Variants in EPHA5 observed in about 807,000 individuals in gnomAD.
EPHA5 encodes the protein ephrin type-A receptor 5.
A neutral mutation model predicts 105.0 loss-of-function variants in EPHA5; 60 were observed. The ratio of observed to expected loss-of-function variants is 0.57; its 90% confidence interval spans 0.46 to 0.71. The LOEUF (loss-of-function observed/expected upper bound fraction) is 0.71, where lower values mean the gene tolerates loss of function less well. Ranked by LOEUF, EPHA5 falls within the 30% of genes least tolerant of loss-of-function variation. The pLI, the probability that EPHA5 is intolerant of heterozygous loss-of-function variation, is 0.00. For missense variants in EPHA5, 1,218 were observed against 1,274.7 expected, an observed-to-expected ratio of 0.96 and a Z score of 0.68; for synonymous variants, 513 against 449.1, an observed-to-expected ratio of 1.14 and a Z score of -1.80.
chr4:65,484,161 A>G (rs1023760797), intron 5 of EPHA5, among the ~76,000 whole-genome samples: 5 of 152,172 alleles, frequency 3.3e-5, no homozygotes, highest in Non-Finnish European at 7.3e-5. Flanking sequence ...AGAAGTTCAC[A>G]TCTCAGTAAA....
chr4:65,379,024 G>C, intron 8 of EPHA5, among the ~76,000 whole-genome samples: 1 of 151,758 alleles, frequency 6.6e-6, no homozygotes, highest in East Asian at 1.9e-4. Flanking sequence ...AGGAAAAAAA[G>C]ATGTCATTTC....
intron 8 of EPHA5, among the ~76,000 whole-genome samples, chr4:65,379,893 A>G (rs1341813721): frequency 6.6e-6 from 1 of 151,810 alleles, no homozygotes; most frequent in African/African-American, 2.4e-5. Flanking sequence ...AAGAAAACTA[A>G]GACAAGTTAC....
At chr4:65,519,633 G>A (rs1202170296) in intron 3 of EPHA5, among the ~76,000 whole-genome samples, 7 of 152,062 alleles carry the variant, frequency 4.6e-5, no homozygotes, top group Admixed American at 6.6e-5. Context: ...AAACCCCATC[G>A]TCTCAGCCCA....
chr4:65,415,200 C>T lies in EPHA5; in HGVS notation c.1528-757G>A, dbSNP rs181847915. 2.9e-3 allele frequency among the ~76,000 whole-genome samples: 436 copies of T among 152,140 alleles called. 2 individuals carry two copies. The highest frequency in any genetic ancestry group is 3.3e-3 in the Non-Finnish European group (227 of 67,970). ...TATTATCTCTGTGAAGTTACCACAC[C>T]AACTTTACCATGGATACAGAAATCA... On this transcript the variant is annotated intron_variant, in intron 6 of 16. Coordinates refer to ENST00000613740, the MANE Select transcript of EPHA5 (RefSeq NM_001281766.3).
chr4:65,482,547 A>G (rs1022033500), intron 5 of EPHA5, among the ~76,000 whole-genome samples: 1 of 152,174 alleles, frequency 6.6e-6, no homozygotes, highest in African/African-American at 2.4e-5. Context: ...CATAATAGGT[A>G]GCAGGATATG....
Position 65,322,204 on chromosome 4 carries a change from T to C in EPHA5, c.*1910A>G. Reference sequence around the variant, plus strand: ...AACTGAATGTATTATTTGAAAACTGTTTAGATTTTTGTTGTGGTTATTTTG... The same window carrying C: ...AACTGAATGTATTATTTGAAAACTGCTTAGATTTTTGTTGTGGTTATTTTG... On this transcript the variant is annotated 3_prime_UTR_variant, in exon 17 of 17. Transcript: ENST00000613740. The C allele has an allele frequency of 4.5e-6, 1 of 224,066 alleles. No individual in the cohort carries two copies. Among genetic ancestry groups the C allele is most frequent in the Non-Finnish European group, 8.9e-6 (1 of 112,204 alleles). 13.9% of individuals were successfully genotyped at this position (224,066 alleles called of 1,614,324 possible).
chr4:65,342,100 T>C (rs190281083), intron 14 of EPHA5, among the ~76,000 whole-genome samples: 49 of 152,262 alleles, frequency 3.2e-4, no homozygotes, highest in African/African-American at 1.1e-3. Flanking sequence ...CCCTTTATAA[T>C]CATTGAAACT....
At chr4:65,325,463 C>A (rs1719985940) in intron 16 of EPHA5, among the ~76,000 whole-genome samples, 1 of 98,940 alleles carries the variant, frequency 1.0e-5, no homozygotes, top group Non-Finnish European at 2.4e-5. Context: ...CAAGCAGCTA[C>A]CCCCCCAAAA....
chr4:65,507,663 C>T (rs937548850), intron 3 of EPHA5, among the ~76,000 whole-genome samples: 1 of 152,038 alleles, frequency 6.6e-6, no homozygotes, highest in East Asian at 1.9e-4. Flanking sequence ...ATTTTCCTCC[C>T]TATTTGTCTG....
rs528959091 is a variant in EPHA5 at position 65,508,857 on chromosome 4, C to T, written c.911-13314G>A. ...CTATCCCTGATTGTGAGAAAGTCTT[C>T]TTGGAGTAGCATATCTGTATCTATG... On this transcript the variant is annotated intron_variant, in intron 3 of 16. Coordinates refer to ENST00000613740, the MANE Select transcript of EPHA5 (RefSeq NM_001281766.3). Among the ~76,000 whole-genome samples, 4 of 152,058 alleles carry T rather than the reference C, an allele frequency of 2.6e-5. No individual in the cohort carries two copies. In the East Asian group the frequency reaches 7.7e-4, roughly 29 times the overall value.
intron 2 of EPHA5, among the ~76,000 whole-genome samples, chr4:65,635,381 A>C (rs1747025902): frequency 6.6e-6 from 1 of 152,164 alleles, no homozygotes; most frequent in South Asian, 2.1e-4. Context: ...GCATTAGAAA[A>C]AAATTTAAAA....
At chr4:65,514,913 C>T (rs1004042015) in intron 3 of EPHA5, among the ~76,000 whole-genome samples, 1 of 152,066 alleles carries the variant, frequency 6.6e-6, no homozygotes, top group African/African-American at 2.4e-5. Context: ...TCATCCTATC[C>T]CTTTCCTACC....
intron 3 of EPHA5, among the ~76,000 whole-genome samples, chr4:65,568,322 A>G (rs1472815945): frequency 6.6e-6 from 1 of 151,494 alleles, no homozygotes. Flanking sequence ...TTGACACCTA[A>G]CACAATTCTA....
intron 5 of EPHA5, among the ~76,000 whole-genome samples, chr4:65,444,220 C>T (rs1026661670): frequency 3.9e-5 from 6 of 152,136 alleles, no homozygotes; most frequent in Non-Finnish European, 7.4e-5. Flanking sequence ...GGGAAAATCA[C>T]TTACCCGTGC....
At chr4:65,463,978 G>A (rs933112898) in intron 5 of EPHA5, among the ~76,000 whole-genome samples, 1 of 151,596 alleles carries the variant, frequency 6.6e-6, no homozygotes, top group Non-Finnish European at 1.5e-5. Flanking sequence ...TTAAGACTAA[G>A]CATTTCTTCT....
intron 3 of EPHA5, among the ~76,000 whole-genome samples, chr4:65,498,385 T>C (rs924291303): frequency 6.6e-6 from 1 of 151,928 alleles, no homozygotes; most frequent in Admixed American, 6.6e-5. Context: ...TTGTATATTT[T>C]CACAGTAACT....
intron 13 of EPHA5, 31 bp from the exon 14 acceptor site, chr4:65,348,234 T>C (rs1411356044): frequency 2.5e-6 from 4 of 1,594,138 alleles, no homozygotes; most frequent in South Asian, 2.3e-5. Flanking sequence ...AAAAACTTCC[T>C]ACATACTTCA....
At chr4:65,449,737 T>C (rs1245303799) in intron 5 of EPHA5, among the ~76,000 whole-genome samples, 1 of 152,164 alleles carries the variant, frequency 6.6e-6, no homozygotes, top group Non-Finnish European at 1.5e-5. Flanking sequence ...AGCCCTACTC[T>C]GATATGACTG....
At chr4:65,665,902 A>T (rs193086829) in intron 1 of EPHA5, among the ~76,000 whole-genome samples, 36 of 152,258 alleles carry the variant, frequency 2.4e-4, no homozygotes, top group Non-Finnish European at 4.9e-4. Context: ...TTTCTTGTTC[A>T]GTAATGTCCT....
Sources: gnomAD v4.1 joint callset for allele counts (sites outside exome capture counted in the v4.1 genomes callset) on GRCh38, gnomAD v4.1.1 for gene constraint, MANE v1.5 for transcripts, NCBI Gene and HGNC (gene_info 2026-07-23, HGNC 2026-07-21) for gene names.